The following PELI2 variants were observed in gnomAD, a reference collection of about 807,000 sequenced individuals.
The protein encoded by PELI2 is pellino E3 ubiquitin protein ligase family member 2, also known as E3 ubiquitin-protein ligase pellino homolog 2.
A neutral mutation model predicts 42.3 loss-of-function variants in PELI2; 23 were observed. The ratio of observed to expected loss-of-function variants is 0.54; its 90% CI spans 0.39 to 0.77. PELI2 has a LOEUF of 0.77. Ranked by LOEUF, PELI2 falls within the 30% of genes least tolerant of loss-of-function variation. The pLI is 0.00. For missense variants in PELI2, 463 were observed against 553.2 expected (o/e 0.84, Z 1.64); for synonymous variants, 245 against 212.2 (o/e 1.15, Z -1.34).
At chr14:56,282,549 C>T (rs941829191) in intron 3 of PELI2, among the ~76,000 whole-genome samples, 6 of 151,844 alleles carry the variant, frequency 4.0e-5, no homozygotes, top group Admixed American at 6.6e-5. Context: ...TTACACTTTT[C>T]GATTTTTGGA....
intron 1 of PELI2, among the ~76,000 whole-genome samples, chr14:56,152,634 G>T (rs1884406676): frequency 6.6e-6 from 1 of 152,108 alleles, no homozygotes; most frequent in African/African-American, 2.4e-5. Flanking sequence ...TCTGAGGAAG[G>T]TTTATTATCT....
At chr14:56,129,484 C>G (rs1207188478) in intron 1 of PELI2, among the ~76,000 whole-genome samples, 5 of 152,198 alleles carry the variant, frequency 3.3e-5, no homozygotes, top group Admixed American at 3.3e-4. Flanking sequence ...GTTAGTGATC[C>G]AAGAACTCTT....
chr14:56,292,170 A>AT (rs1889851117), intron 5 of PELI2, among the ~76,000 whole-genome samples: 1 of 152,258 alleles, frequency 6.6e-6, no homozygotes, highest in Admixed American at 6.5e-5. Context: ...AATGAGTTGT[A>AT]TTAAATATAC....
rs960872779 is a variant in PELI2 at position 56,219,569 on chromosome 14, G to A, written c.207+41105G>A. Reference sequence around the variant, plus strand: ...AGTAGGCATCCACAAGGAAGTCAAAGAAAGGGTCTCTGAGCTGCCACACAC... The same window carrying A: ...AGTAGGCATCCACAAGGAAGTCAAAAAAAGGGTCTCTGAGCTGCCACACAC... On this transcript the variant is annotated intron_variant, in intron 2 of 5. Coordinates refer to ENST00000267460, the MANE Select transcript of PELI2 (RefSeq NM_021255.3). This position sits in a 1 kb window ranked among gnomAD's most constrained non-coding sequence, Gnocchi z 4.1. 3.9e-5 allele frequency among the ~76,000 whole-genome samples: 6 copies of A among 152,186 alleles called. No homozygotes were observed. The highest frequency in any genetic ancestry group is 6.5e-5 in the Admixed American group (1 of 15,282).
At chr14:56,215,749 T>G (rs111289437) in intron 2 of PELI2, among the ~76,000 whole-genome samples, 1,803 of 152,356 alleles carry the variant, frequency 0.012, 32 homozygotes, top group Admixed American at 0.049. Context: ...GATTTTTAAT[T>G]GAACTCACTA....
At chr14:56,153,445 G>A (rs1225431909) in intron 1 of PELI2, among the ~76,000 whole-genome samples, 1 of 152,116 alleles carries the variant, frequency 6.6e-6, no homozygotes, top group Admixed American at 6.5e-5. Flanking sequence ...AGAGAAAAGG[G>A]TTTGACATTG....
chr14:56,187,711 T>C (rs1209507484), intron 2 of PELI2, among the ~76,000 whole-genome samples: 2 of 152,180 alleles, frequency 1.3e-5, no homozygotes, highest in Admixed American at 1.3e-4. Context: ...AGATACCTAT[T>C]TATAAGCTCT....
chr14:56,181,340 CTTTTTTTT>C (rs57251739), intron 2 of PELI2, among the ~76,000 whole-genome samples: 26 of 97,122 alleles, frequency 2.7e-4, no homozygotes, highest in Admixed American at 1.9e-3. Context: ...CCCTGGTGGA[CTTTTTTTT>C]TTTTTTTTTT....
Position 56,279,674 on chromosome 14 carries a change from AG to A in PELI2, c.208del. 1 of 1,526,232 alleles carries A rather than the reference AG, an allele frequency of 6.6e-7. No homozygotes were observed. The highest frequency in any genetic ancestry group is 9.0e-7 in the Non-Finnish European group (1 of 1,111,056). 94.5% of individuals were successfully genotyped at this position (1,526,232 alleles called of 1,614,324 possible). On this transcript the variant is annotated splice_acceptor_variant, in intron 2 of 5. Transcript: ENST00000267460. LOFTEE classifies it high-confidence loss of function. ...TGGATTTTTTTAAAATTTTATTATT[AG>A]GCTATCAGCTGCAAAGGTCAACACA...
At chr14:56,129,662 C>T (rs921642644) in intron 1 of PELI2, among the ~76,000 whole-genome samples, 2 of 152,178 alleles carry the variant, frequency 1.3e-5, no homozygotes, top group African/African-American at 2.4e-5. Flanking sequence ...GCTAGGGGAT[C>T]GCCCTCAGGA....
chr14:56,128,640 G>C (rs967844105), intron 1 of PELI2, among the ~76,000 whole-genome samples: 2 of 152,082 alleles, frequency 1.3e-5, no homozygotes, highest in Non-Finnish European at 2.9e-5. Flanking sequence ...TGGCGATTTT[G>C]GAACCTTGAG....
intron 1 of PELI2, among the ~76,000 whole-genome samples, chr14:56,123,089 G>C (rs1419676786): frequency 6.6e-6 from 1 of 152,006 alleles, no homozygotes; most frequent in Non-Finnish European, 1.5e-5. Context: ...TACAAAAGGA[G>C]GTAGATACCT....
intron 2 of PELI2, among the ~76,000 whole-genome samples, chr14:56,231,509 C>G (rs370353471): frequency 0.027 from 4,085 of 152,284 alleles, 99 homozygotes; most frequent in Non-Finnish European, 0.042. Context: ...TGAATGACTA[C>G]TGGGTACATA....
At chr14:56,156,271 C>G (rs966590006) in intron 1 of PELI2, among the ~76,000 whole-genome samples, 2 of 151,932 alleles carry the variant, frequency 1.3e-5, no homozygotes, top group African/African-American at 4.8e-5. Flanking sequence ...CAAAATGTGT[C>G]CCTAGAAAAA....
Position 56,298,867 on chromosome 14 carries a change from G to C in PELI2, c.*1701G>C, listed in dbSNP as rs1354965948. 6.6e-6 allele frequency: 1 copy of C among 152,202 alleles called. No individual in the cohort carries two copies. Among genetic ancestry groups the C allele is most frequent in the Non-Finnish European group, 1.5e-5 (1 of 68,034 alleles). 9.4% of individuals were successfully genotyped at this position (152,202 alleles called of 1,614,324 possible). A position where few individuals can be genotyped will look rare whatever the true frequency, so the allele number is the denominator to read the frequency against. ...GGTTTTGTTTGGGTAAATTTTAAAT[G>C]GTGTGAAAATCGATGACAACAGTCC... On this transcript the variant is annotated 3_prime_UTR_variant, in exon 6 of 6. Coordinates refer to ENST00000267460, the MANE Select transcript of PELI2 (RefSeq NM_021255.3).
chr14:56,238,533 C>T (rs867581491), intron 2 of PELI2, among the ~76,000 whole-genome samples: 4 of 152,064 alleles, frequency 2.6e-5, no homozygotes, highest in Non-Finnish European at 5.9e-5. Context: ...ATGATTTTGC[C>T]GCTGTCGTAA....
chr14:56,242,639 G>T (rs761537707), intron 2 of PELI2, among the ~76,000 whole-genome samples: 41 of 152,162 alleles, frequency 2.7e-4, no homozygotes, highest in Admixed American at 1.5e-3. Context: ...AGAAAATGTG[G>T]TATATATACA....
chr14:56,122,758 C>T (rs866804498), intron 1 of PELI2, among the ~76,000 whole-genome samples: 4 of 152,160 alleles, frequency 2.6e-5, no homozygotes, highest in Non-Finnish European at 5.9e-5. Flanking sequence ...TGCAGTTTAG[C>T]ATTTTCATTC....
At position 56,118,560 on chromosome 14, in the gene PELI2, C is replaced by G. The variant is rs1476647905; in HGVS notation, c.-101C>G. 1 of 715,042 alleles carries G rather than the reference C, an allele frequency of 1.4e-6. No individual in the cohort carries two copies. Among genetic ancestry groups the G allele is most frequent in the Non-Finnish European group, 2.0e-6 (1 of 507,528 alleles). 44.3% of individuals were successfully genotyped at this position (715,042 alleles called of 1,614,324 possible). A position where few individuals can be genotyped will look rare whatever the true frequency, so the allele number is the denominator to read the frequency against. On this transcript the variant is annotated 5_prime_UTR_variant, in exon 1 of 6. Transcript: ENST00000267460. Reference sequence around the variant, plus strand: ...GCCGTGCCCTTCCCCGGCGCGCTCACCCCGTTCTCGGGATGGGATTGTAGC... The same window carrying G: ...GCCGTGCCCTTCCCCGGCGCGCTCAGCCCGTTCTCGGGATGGGATTGTAGC...
Sources: gnomAD v4.1 joint callset for allele counts (sites outside exome capture counted in the v4.1 genomes callset) on GRCh38, gnomAD v4.1.1 for gene constraint, Gnocchi (gnomAD v3.1) non-coding constraint, MANE v1.5 for transcripts, NCBI Gene and HGNC (gene_info 2026-07-23, HGNC 2026-07-21) for gene names.